ETV6: variants seen among roughly 807,000 people sequenced by gnomAD.
ETV6 encodes ETS variant transcription factor 6.
A neutral mutation model predicts 51.1 loss-of-function variants in ETV6; 16 were observed. The ratio of observed to expected loss-of-function variants is 0.31; its 90% CI spans 0.21 to 0.48. ETV6 has a LOEUF of 0.48. Ranked by LOEUF, ETV6 falls within the 20% of genes least tolerant of loss-of-function variation. The pLI, the probability that ETV6 is intolerant of heterozygous loss-of-function variation, is 0.99. For synonymous variants in ETV6, 240 were observed against 224.1 expected, an observed-to-expected ratio of 1.07 and a Z score of -0.64; for missense variants, 458 against 594.8, an observed-to-expected ratio of 0.77 and a Z score of 2.39.
rs575936849 is a variant in ETV6, at chr12:11,680,888, T to G, written c.33+30728T>G. The stretch of plus-strand genomic sequence containing the variant: ...TCAGATTCATTTAAGGGCATTTACT[T>G]CTCTGTGATGCTCCTTACTTTCTGT... On this transcript the variant is annotated intron_variant, in intron 1 of 7. Transcript: ENST00000396373. 7.2e-5 allele frequency among the ~76,000 whole-genome samples: 11 copies of G among 152,328 alleles called. No homozygotes were observed. The East Asian group carries it at 2.1e-3, about 29-fold the overall frequency.
intron 2 of ETV6, among the ~76,000 whole-genome samples, chr12:11,810,899 T>C (rs751946131): frequency 1.3e-5 from 2 of 152,196 alleles, no homozygotes; most frequent in Non-Finnish European, 2.9e-5. Context: ...CACCTTCCCT[T>C]GGATACCTCT....
At chr12:11,815,253 C>T (rs904015982) in intron 2 of ETV6, among the ~76,000 whole-genome samples, 15 of 152,186 alleles carry the variant, frequency 9.9e-5, no homozygotes, top group African/African-American at 3.6e-4. Context: ...AATTCAAAGA[C>T]AGTGAGTGCC....
intron 3 of ETV6, among the ~76,000 whole-genome samples, chr12:11,852,386 G>A (rs1458468986): frequency 1.3e-5 from 2 of 152,154 alleles, no homozygotes; most frequent in African/African-American, 2.4e-5. Flanking sequence ...TTAAAGGAGG[G>A]AAGCATCCCA....
intron 4 of ETV6, among the ~76,000 whole-genome samples, chr12:11,868,549 T>C (rs1428000999): frequency 1.3e-5 from 2 of 151,374 alleles, no homozygotes; most frequent in African/African-American, 2.4e-5. Context: ...GCGATTCTCA[T>C]GTCTCAGCCT....
intron 1 of ETV6, among the ~76,000 whole-genome samples, chr12:11,718,792 C>T (rs1443185052): frequency 1.3e-5 from 2 of 151,972 alleles, no homozygotes; most frequent in East Asian, 1.9e-4. Context: ...GGTCACAGGT[C>T]GCACACTCAC....
At chr12:11,772,521 C>A (rs1945256817) in intron 2 of ETV6, among the ~76,000 whole-genome samples, 1 of 152,096 alleles carries the variant, frequency 6.6e-6, no homozygotes, top group African/African-American at 2.4e-5. Context: ...TGAAGGAAAC[C>A]AGTTTCCCCA....
At chr12:11,814,168 C>T (rs1300298674) in intron 2 of ETV6, among the ~76,000 whole-genome samples, 2 of 152,008 alleles carry the variant, frequency 1.3e-5, no homozygotes, top group African/African-American at 4.8e-5. Context: ...TGTAAAATGC[C>T]GAATTACCCA....
chr12:11,739,076 A>G (rs1259732872), intron 1 of ETV6, among the ~76,000 whole-genome samples: 1 of 152,206 alleles, frequency 6.6e-6, no homozygotes, highest in Admixed American at 6.5e-5. Flanking sequence ...TTTTTAAAAA[A>G]AGAGAGAGAG....
rs34818727 is a variant in ETV6, at chr12:11,773,208, A to AG, written c.163+20629_163+20630insG. On this transcript the variant is annotated intron_variant, in intron 2 of 7. Transcript: ENST00000396373. ...ACTCCATCTCAAAAAAAAAAAAAAA[A>AG]AAAATGAAATCTTGATCTTATTGCC... 9.7e-5 allele frequency among the ~76,000 whole-genome samples: 14 copies of AG among 144,484 alleles called. 2 individuals are homozygous for AG. The highest frequency in any genetic ancestry group is 3.5e-4 in the Admixed American group (5 of 14,338). The allele number at this position is 144,484 out of a possible 152,430, so 94.8% of individuals were successfully genotyped here. A position where few individuals can be genotyped will look rare whatever the true frequency, so the allele number is the denominator to read the frequency against.
rs781387017 is a variant in ETV6 at position 11,650,169 on chromosome 12, C to T, written c.33+9C>T. The T allele has an allele frequency of 8.7e-6, 14 of 1,612,066 alleles. No individual in the cohort carries two copies. Among genetic ancestry groups the T allele is most frequent in the Admixed American group, 1.7e-5 (1 of 59,998 alleles). On this transcript the variant is annotated intron_variant, in intron 1 of 7. Transcript: ENST00000396373. ...CTCAGTGTAGCATTAAGGTAAAAAT[C>T]TTCTCCCCTCCTTCTACGTGGTGGA...
chr12:11,735,583 C>T (rs567318188), intron 1 of ETV6, among the ~76,000 whole-genome samples: 5 of 152,084 alleles, frequency 3.3e-5, no homozygotes, highest in African/African-American at 1.2e-4. Flanking sequence ...TTGTCACTTA[C>T]GATGATGATG....
At chr12:11,691,029 G>A (rs904335825) in intron 1 of ETV6, among the ~76,000 whole-genome samples, 11 of 152,130 alleles carry the variant, frequency 7.2e-5, no homozygotes, top group African/African-American at 2.2e-4. Context: ...TCTGGAGGCT[G>A]GTAGTCTGAG....
At chr12:11,779,936 A>C (rs1945388039) in intron 2 of ETV6, among the ~76,000 whole-genome samples, 1 of 152,230 alleles carries the variant, frequency 6.6e-6, no homozygotes, top group Non-Finnish European at 1.5e-5. Flanking sequence ...TAAAATTTAC[A>C]AGAAATAAAG....
At chr12:11,821,737 G>T (rs150151823) in intron 2 of ETV6, among the ~76,000 whole-genome samples, 16 of 152,214 alleles carry the variant, frequency 1.1e-4, no homozygotes, top group African/African-American at 3.6e-4. Context: ...CCACTTGGAA[G>T]GCTGAGGCAA....
intron 1 of ETV6, among the ~76,000 whole-genome samples, chr12:11,748,431 A>G (rs901516989): frequency 1.3e-5 from 2 of 152,220 alleles, no homozygotes; most frequent in African/African-American, 4.8e-5. Flanking sequence ...TTCTGTTTTA[A>G]TTAATTCCAA....
intron 2 of ETV6, among the ~76,000 whole-genome samples, chr12:11,756,828 C>T (rs1945015213): frequency 6.6e-6 from 1 of 152,232 alleles, no homozygotes; most frequent in Non-Finnish European, 1.5e-5. Flanking sequence ...CAGTGATGCT[C>T]AGGCCCCGCC....
At chr12:11,663,445 T>TGG in intron 1 of ETV6, among the ~76,000 whole-genome samples, 1 of 152,242 alleles carries the variant, frequency 6.6e-6, no homozygotes, top group Non-Finnish European at 1.5e-5. Context: ...TTTGCATATA[T>TGG]GCCACATGTA....
At chr12:11,814,297 C>G (rs987675968) in intron 2 of ETV6, among the ~76,000 whole-genome samples, 1 of 152,126 alleles carries the variant, frequency 6.6e-6, no homozygotes, top group South Asian at 2.1e-4. Flanking sequence ...TTTTCGAGGG[C>G]AGTACCAACT....
At chr12:11,667,731 C>G (rs1864222503) in intron 1 of ETV6, among the ~76,000 whole-genome samples, 1 of 114,672 alleles carries the variant, frequency 8.7e-6, no homozygotes, top group African/African-American at 3.1e-5. Context: ...GAGATGGAGT[C>G]TCACTCGGCC....
Sources: allele counts gnomAD v4.1 joint callset (sites outside exome capture counted in the v4.1 genomes callset), GRCh38; gene constraint gnomAD v4.1.1; transcripts MANE v1.5; gene names NCBI Gene and HGNC (gene_info 2026-07-23, HGNC 2026-07-21).